The following PTPRE variants were observed in gnomAD, a reference collection of about 807,000 sequenced individuals.
PTPRE encodes protein tyrosine phosphatase receptor type E.
A neutral mutation model predicts 102.0 loss-of-function variants in PTPRE; 51 were observed. The observed-to-expected ratio is 0.50, with a 90% confidence interval of 0.40 to 0.63. The LOEUF is 0.63. PTPRE is among the 30% of genes least tolerant of loss of function. The pLI is 0.00. For missense variants in PTPRE, 752 were observed against 915.1 expected, an observed-to-expected ratio of 0.82 and a Z score of 2.30; for synonymous variants, 345 against 348.2, an observed-to-expected ratio of 0.99 and a Z score of 0.10.
At chr10:128,038,151 T>G (rs1207539996) in intron 2 of PTPRE, among the ~76,000 whole-genome samples, 1 of 152,168 alleles carries the variant, frequency 6.6e-6, no homozygotes, top group Non-Finnish European at 1.5e-5. Context: ...AATTCATGTC[T>G]GTGCTCACCA....
chr10:128,036,362 TC>T (rs2135772894), intron 2 of PTPRE, among the ~76,000 whole-genome samples: 1 of 151,632 alleles, frequency 6.6e-6, no homozygotes, highest in East Asian at 1.9e-4. Flanking sequence ...ACAGACAGTC[TC>T]CCCAGGAATG....
intron 6 of PTPRE, among the ~76,000 whole-genome samples, chr10:128,053,043 G>T (rs1286077535): frequency 2.6e-5 from 4 of 152,160 alleles, no homozygotes; most frequent in Non-Finnish European, 4.4e-5. Flanking sequence ...GAGCCCAGTA[G>T]TTCCAGACCA....
chr10:127,962,221 C>T (rs1320841126), intron 1 of PTPRE, among the ~76,000 whole-genome samples: 4 of 152,164 alleles, frequency 2.6e-5, no homozygotes, highest in African/African-American at 4.8e-5. Flanking sequence ...TGCCTGGACA[C>T]GTGGCTCTAG....
At chr10:128,066,023 T>G (rs891481725) in intron 10 of PTPRE, 52 bp from the exon 11 acceptor site, 2 of 1,613,826 alleles carry the variant, frequency 1.2e-6, no homozygotes, top group African/African-American at 2.7e-5. Context: ...GGGGATGTCA[T>G]GATGCATTGC....
intron 2 of PTPRE, among the ~76,000 whole-genome samples, chr10:128,029,630 A>G (rs1846560363): frequency 6.6e-6 from 1 of 152,228 alleles, no homozygotes; most frequent in Admixed American, 6.5e-5. Flanking sequence ...CTCCAGCAGA[A>G]GCTTTAGTCT....
intron 20 of PTPRE, among the ~76,000 whole-genome samples, chr10:128,082,196 T>TCTC (rs370540400): frequency 0.079 from 5,403 of 68,044 alleles, 678 homozygotes; most frequent in South Asian, 0.094. Context: ...TTTCTCTTTC[T>TCTC]TTTTTTTTTT....
rs540409880 is a variant in PTPRE, at chr10:128,020,681, C to A, written c.-7-20194C>A. Among the ~76,000 whole-genome samples, 11 of 152,306 alleles carry A rather than the reference C, an allele frequency of 7.2e-5. 1 individual carries two copies. In the East Asian group the frequency reaches 1.9e-3, roughly 27 times the overall value. The stretch of plus-strand genomic sequence containing the variant: ...CTGGTCCTTACTCTTCTGCTCACTG[C>A]CCTCCTGGTGTCCCAGTGGTGGGAT... On this transcript the variant is annotated intron_variant, in intron 2 of 20. Transcript: ENST00000254667.
intron 10 of PTPRE, among the ~76,000 whole-genome samples, chr10:128,065,678 TG>T (rs1443391707): frequency 1.3e-5 from 2 of 152,106 alleles, no homozygotes; most frequent in Non-Finnish European, 2.9e-5. Flanking sequence ...CTGAATCCAG[TG>T]GGAAATGTCT....
At chr10:128,073,203 TG>T in intron 16 of PTPRE, 133 bp from the exon 17 acceptor site, 1 of 1,235,270 alleles carries the variant, frequency 8.1e-7, no homozygotes, top group Non-Finnish European at 1.1e-6. Flanking sequence ...TCGTGCCAAC[TG>T]GGGTCTGGTG....
chr10:128,031,052 CT>C (rs1454244287), intron 2 of PTPRE, among the ~76,000 whole-genome samples: 1 of 152,220 alleles, frequency 6.6e-6, no homozygotes, highest in Admixed American at 6.5e-5. Context: ...CAGTGTTGGT[CT>C]TGTTTAGTTG....
chr10:128,081,150 A>C (rs1348246082), intron 20 of PTPRE, among the ~76,000 whole-genome samples: 1 of 30,330 alleles, frequency 3.3e-5, no homozygotes, highest in African/African-American at 1.5e-4. Flanking sequence ...AGATTTTGGC[A>C]AAAAAAAAAC....
At chr10:127,955,730 G>A (rs1030263515) in intron 1 of PTPRE, among the ~76,000 whole-genome samples, 2 of 152,120 alleles carry the variant, frequency 1.3e-5, no homozygotes, top group Non-Finnish European at 2.9e-5. Flanking sequence ...CCTGAGACTG[G>A]GTAATTTATG....
chr10:127,952,100 G>T (rs1181862173), intron 1 of PTPRE, among the ~76,000 whole-genome samples: 1 of 152,180 alleles, frequency 6.6e-6, no homozygotes, highest in African/African-American at 2.4e-5. Flanking sequence ...CACCTCAGGG[G>T]TATATCAGTT....
At position 128,084,004 on chromosome 10, in the gene PTPRE, A is replaced by G. The variant is rs1851916027; in HGVS notation, c.*1098A>G. 6.7e-6 allele frequency: 1 copy of G among 150,190 alleles called. No individual in the cohort carries two copies. 9.3% of individuals were successfully genotyped at this position (150,190 alleles called of 1,614,324 possible). A position where few individuals can be genotyped will look rare whatever the true frequency, so the allele number is the denominator to read the frequency against. Reference sequence around the variant, plus strand: ...GATTTATACCATTTTTTAAAGTCCCACCTTTCAATGTTTAATAAAACAAAA... The same window carrying G: ...GATTTATACCATTTTTTAAAGTCCCGCCTTTCAATGTTTAATAAAACAAAA... On this transcript the variant is annotated 3_prime_UTR_variant, in exon 21 of 21. Coordinates refer to ENST00000254667, the MANE Select transcript of PTPRE (RefSeq NM_006504.6).
intron 2 of PTPRE, among the ~76,000 whole-genome samples, chr10:128,020,939 C>A (rs979476556): frequency 1.3e-5 from 2 of 151,728 alleles, no homozygotes; most frequent in African/African-American, 2.4e-5. Flanking sequence ...ACTCTGTCGC[C>A]CAGGCTGGAG....
rs148045319 is a variant in PTPRE at position 127,973,950 on chromosome 10, T to C, written c.-30-8324T>C. On this transcript the variant is annotated intron_variant, in intron 1 of 20. Coordinates refer to ENST00000254667, the MANE Select transcript of PTPRE (RefSeq NM_006504.6). ...CCTCCCCGGCCGCCCACCACTGCCC[T>C]TGAGAACACCTGTTCATCCTGCATC... Among the ~76,000 whole-genome samples the C allele has an allele frequency of 2.6e-3, 401 of 152,316 alleles. 1 individual carries two copies. Among genetic ancestry groups the C allele is most frequent in the African/African-American group, 9.3e-3 (388 of 41,568 alleles).
At chr10:128,064,849 G>C (rs925560854) in intron 10 of PTPRE, among the ~76,000 whole-genome samples, 1 of 152,148 alleles carries the variant, frequency 6.6e-6, no homozygotes, top group Non-Finnish European at 1.5e-5. Flanking sequence ...CACATCCTGG[G>C]CTCTGCATTG....
intron 8 of PTPRE, 68 bp from the exon 9 acceptor site, chr10:128,061,611 C>T: frequency 6.5e-7 from 1 of 1,530,932 alleles, no homozygotes; most frequent in Non-Finnish European, 8.8e-7. Flanking sequence ...TTCCTAACAG[C>T]AACACCAACA....
chr10:128,070,275 T>C lies in PTPRE; in HGVS notation c.1144-26T>C, dbSNP rs769678668. 1.1e-5 allele frequency: 18 copies of C among 1,582,422 alleles called. No homozygotes were observed. The highest frequency in any genetic ancestry group is 1.5e-5 in the Non-Finnish European group (18 of 1,161,810). ...CAAGACTGCAGGGCAGAGTTGAGGG[T>C]GTGGGCACCCCTGGCCTCTCTGCAG... is the stretch of plus-strand genomic sequence containing the variant. On this transcript the variant is annotated intron_variant, in intron 13 of 20. Transcript: ENST00000254667. This position sits in a 1 kb window ranked among gnomAD's most constrained non-coding sequence, Gnocchi z 4.8.
Sources: gnomAD v4.1 joint callset for allele counts (sites outside exome capture counted in the v4.1 genomes callset) on GRCh38, gnomAD v4.1.1 for gene constraint, Gnocchi (gnomAD v3.1) non-coding constraint, MANE v1.5 for transcripts, NCBI Gene and HGNC (gene_info 2026-07-23, HGNC 2026-07-21) for gene names.